Variants in COL4A5 observed in about 807,000 individuals in gnomAD.
COL4A5 encodes collagen type IV alpha 5 chain.
In COL4A5, 26 loss-of-function variants were observed where a neutral mutation model predicts 130.2. The observed-to-expected ratio is 0.20, with a 90% CI of 0.15 to 0.28. The LOEUF is 0.28. Ranked by LOEUF, COL4A5 falls within the 10% of genes least tolerant of loss-of-function variation. The pLI, the probability that COL4A5 is intolerant of heterozygous loss-of-function variation, is 1.00. For synonymous variants in COL4A5, 496 were observed against 439.6 expected, an observed-to-expected ratio of 1.13 and a Z score of -1.60; for missense variants, 1,131 against 1,344.3, an observed-to-expected ratio of 0.84 and a Z score of 2.48.
chrX:108,687,519 A>G lies in COL4A5; in HGVS notation c.4353A>G (p.Gly1451=). ...RGLDGPPGPD[G]LQGPPGPPGT... ...TGGATGGTCCCCCTGGTCCAGATGG[A>G]TTGCAAGGTCCCCCAGGTCCCCCTG... Residue 1451 remains glycine, a synonymous_variant, in exon 49 of 53, where the codon GGA becomes GGG. Coordinates refer to ENST00000328300, the MANE Select transcript of COL4A5 (RefSeq NM_033380.3). 1 of 1,211,451 alleles carries G rather than the reference A, an allele frequency of 8.3e-7. No homozygotes were observed. The highest frequency in any genetic ancestry group is 1.8e-5 in the South Asian group (1 of 56,977).
In COL4A5 at chrX:108,474,718, T is replaced by C. The variant is rs185325386; in HGVS notation, c.81+34512T>C. Among the ~76,000 whole-genome samples, 22 of 112,189 alleles carry C rather than the reference T, an allele frequency of 2.0e-4. No homozygotes were observed. The East Asian group carries it at 6.1e-3, about 31-fold the overall frequency. Reference sequence around the variant, plus strand: ...GGAGCTTTCCCCCTATGTTTTATTCTAGTAATTTTATAGTTTCAGATCTTA... The same window carrying C: ...GGAGCTTTCCCCCTATGTTTTATTCCAGTAATTTTATAGTTTCAGATCTTA... On this transcript the variant is annotated intron_variant, in intron 1 of 52. Coordinates refer to ENST00000328300, the MANE Select transcript of COL4A5 (RefSeq NM_033380.3).
At chrX:108,473,633 A>ATATATATATATT in intron 1 of COL4A5, among the ~76,000 whole-genome samples, 8 of 34,559 alleles carry the variant, frequency 2.3e-4, no homozygotes, top group African/African-American at 7.6e-4. Context: ...ATATATATAT[A>ATATATATATATT]TTTTTTTTTT....
chrX:108,685,383 A>G (rs975854095), intron 47 of COL4A5, among the ~76,000 whole-genome samples: 2 of 112,263 alleles, frequency 1.8e-5, no homozygotes, highest in Non-Finnish European at 3.8e-5. Flanking sequence ...TTAATTTCCC[A>G]TGGTTGAATT....
chrX:108,510,398 A>G (rs1200840564), intron 1 of COL4A5, among the ~76,000 whole-genome samples: 4 of 111,795 alleles, frequency 3.6e-5, no homozygotes, highest in Non-Finnish European at 5.7e-5. Flanking sequence ...GATACTTGCA[A>G]TTCAAATGCA....
intron 36 of COL4A5, chrX:108,627,674 A>G: frequency 2.1e-6 from 1 of 470,395 alleles, no homozygotes; most frequent in East Asian, 1.8e-4. Flanking sequence ...CTTGATTTTA[A>G]AATACAACCA....
At chrX:108,652,431 T>G (rs1029329177) in intron 36 of COL4A5, among the ~76,000 whole-genome samples, 2 of 112,771 alleles carry the variant, frequency 1.8e-5, no homozygotes, top group African/African-American at 6.4e-5. Context: ...CTTGTAATAT[T>G]CTTCTTGCAT....
At chrX:108,684,160 C>T (rs930432054) in intron 47 of COL4A5, among the ~76,000 whole-genome samples, 1 of 111,385 alleles carries the variant, frequency 9.0e-6, no homozygotes, top group Non-Finnish European at 1.9e-5. Flanking sequence ...CAGGAGAAAG[C>T]AGGAAAGATC....
chrX:108,522,062 G>T (rs1006901981), intron 1 of COL4A5, among the ~76,000 whole-genome samples: 1 of 110,894 alleles, frequency 9.0e-6, no homozygotes, highest in Non-Finnish European at 1.9e-5. Flanking sequence ...CATGCAACGT[G>T]TGGTATTTTT....
chrX:108,696,389 A>G lies in COL4A5; in HGVS notation c.*11A>G. 8.5e-7 allele frequency: 1 copy of G among 1,179,913 alleles called. No individual in the cohort carries two copies. Among genetic ancestry groups the G allele is most frequent in the South Asian group, 1.8e-5 (1 of 56,163 alleles). ...ATGAAGAGGACATAACATTTTGAAG[A>G]ATTCCTTTTGTGTTTTAAAATGTGA... On this transcript the variant is annotated 3_prime_UTR_variant, in exon 53 of 53. Coordinates refer to ENST00000328300, the MANE Select transcript of COL4A5 (RefSeq NM_033380.3).
At chrX:108,611,070 T>C (rs2066824746) in intron 29 of COL4A5, among the ~76,000 whole-genome samples, 1 of 110,978 alleles carries the variant, frequency 9.0e-6, no homozygotes, top group Admixed American at 9.6e-5. Context: ...CAATAAAAGT[T>C]CACCTACCAA....
chrX:108,458,847 G>C (rs1280130942), intron 1 of COL4A5, among the ~76,000 whole-genome samples: 2 of 111,095 alleles, frequency 1.8e-5, no homozygotes, highest in African/African-American at 3.3e-5. Flanking sequence ...GGGCGTGGTG[G>C]CGGGCGCCTG....
chrX:108,502,708 A>T (rs2065092650), intron 1 of COL4A5, among the ~76,000 whole-genome samples: 1 of 111,836 alleles, frequency 8.9e-6, no homozygotes, highest in African/African-American at 3.3e-5. Flanking sequence ...AATTATTACC[A>T]AGTAAATACC....
intron 1 of COL4A5, among the ~76,000 whole-genome samples, chrX:108,529,556 A>C (rs2147629490): frequency 8.9e-6 from 1 of 111,891 alleles, no homozygotes; most frequent in African/African-American, 3.2e-5. Context: ...ACATATTAAT[A>C]ATAACCTTGA....
At chrX:108,675,562 G>A (rs1236568948) in intron 43 of COL4A5, among the ~76,000 whole-genome samples, 8 of 111,132 alleles carry the variant, frequency 7.2e-5, no homozygotes, top group Admixed American at 1.9e-4. Context: ...AAACCTTTTC[G>A]TTATGATTGA....
intron 1 of COL4A5, among the ~76,000 whole-genome samples, chrX:108,475,725 A>G (rs1420585807): frequency 2.7e-5 from 3 of 111,178 alleles, no homozygotes; most frequent in Non-Finnish European, 5.7e-5. Context: ...GAGCCCCTTC[A>G]TGTTTTACTA....
At chrX:108,549,926 A>T (rs1028168245) in intron 2 of COL4A5, among the ~76,000 whole-genome samples, 4 of 111,598 alleles carry the variant, frequency 3.6e-5, no homozygotes, top group East Asian at 5.6e-4. Flanking sequence ...TGAAATGGAC[A>T]AATTCCTTAA....
At chrX:108,690,887 A>G (rs763909639) in intron 49 of COL4A5, among the ~76,000 whole-genome samples, 43 of 112,190 alleles carry the variant, frequency 3.8e-4, no homozygotes, top group Non-Finnish European at 7.7e-4. Context: ...CACTATTCAC[A>G]ATAGCAAAGA....
chrX:108,696,459 C>G lies in COL4A5; in HGVS notation c.*81C>G. On this transcript the variant is annotated 3_prime_UTR_variant, in exon 53 of 53. Transcript: ENST00000328300. ...CCTAGGATGCAGTGTCTCATTGTCC[C>G]CAACTTTACTACTGCTGCCGTCAAT... The G allele has an allele frequency of 1.3e-6, 1 of 749,991 alleles. No homozygotes were observed. Among genetic ancestry groups the G allele is most frequent in the South Asian group, 2.4e-5 (1 of 42,212 alleles). 61.8% of individuals were successfully genotyped at this position (749,991 alleles called of 1,213,427 possible).
intron 2 of COL4A5, 56 bp from the exon 3 acceptor site, chrX:108,559,008 T>C (rs1303974845): frequency 2.1e-6 from 2 of 931,569 alleles, no homozygotes; most frequent in Non-Finnish European, 3.1e-6. Context: ...ATCTCAACCA[T>C]GCCTGTGCTT....
Sources: allele counts gnomAD v4.1 joint callset (sites outside exome capture counted in the v4.1 genomes callset), GRCh38; gene constraint gnomAD v4.1.1; transcripts MANE v1.5; gene names NCBI Gene and HGNC (gene_info 2026-07-23, HGNC 2026-07-21).